Variants in BNC2 observed in about 807,000 individuals in gnomAD.
BNC2 encodes basonuclin zinc finger protein 2, also known as zinc finger protein basonuclin-2.
In BNC2, 20 loss-of-function variants were observed where a neutral mutation model predicts 76.3. The ratio of observed to expected loss-of-function variants is 0.26; its 90% CI spans 0.18 to 0.38. The LOEUF is 0.38. Among genes scored for constraint, BNC2 ranks in the 10% least tolerant of loss-of-function variants. The probability of loss-of-function intolerance (pLI) is 1.00; values close to 1 mark genes in which losing one functional copy is unlikely to be tolerated. For synonymous variants in BNC2, 582 were observed against 514.8 expected (o/e 1.13, Z -1.77); for missense variants, 1,382 against 1,399.8 (o/e 0.99, Z 0.20).
intron 5 of BNC2, among the ~76,000 whole-genome samples, chr9:16,495,543 G>A (rs1456195004): frequency 1.3e-5 from 2 of 152,228 alleles, no homozygotes; most frequent in Non-Finnish European, 2.9e-5. Context: ...GGGACAGGGT[G>A]CTCAACATAT....
rs1351509482 is a variant in BNC2, at chr9:16,412,034, A to G, written c.*6955T>C. 1 of 152,558 alleles carries G rather than the reference A, an allele frequency of 6.6e-6. No individual in the cohort carries two copies. The allele number at this position is 152,558 out of a possible 1,614,324, so 9.5% of individuals were successfully genotyped here. On this transcript the variant is annotated 3_prime_UTR_variant, in exon 7 of 7. Coordinates refer to ENST00000380672, the MANE Select transcript of BNC2 (RefSeq NM_017637.6). Reference sequence around the variant, plus strand: ...AGCAGCCAATCTTTGGGCTCAGGGCATTTTGGAATATAACATTTTCATGTA... The same window carrying G: ...AGCAGCCAATCTTTGGGCTCAGGGCGTTTTGGAATATAACATTTTCATGTA...
chr9:16,547,722 A>G (rs1319324751), intron 5 of BNC2, among the ~76,000 whole-genome samples: 2 of 152,190 alleles, frequency 1.3e-5, no homozygotes, highest in East Asian at 1.9e-4. Context: ...CAGGCAGAAG[A>G]AACCTTACAT....
chr9:16,866,637 GAAA>G (rs1435319091), intron 1 of BNC2, among the ~76,000 whole-genome samples: 3 of 121,296 alleles, frequency 2.5e-5, no homozygotes, highest in Non-Finnish European at 4.9e-5. Flanking sequence ...TGTTCTTGTA[GAAA>G]GTTCTTTTGC....
intron 3 of BNC2, among the ~76,000 whole-genome samples, chr9:16,584,339 A>G (rs922965515): frequency 2.6e-5 from 4 of 152,198 alleles, no homozygotes; most frequent in Admixed American, 1.3e-4. Flanking sequence ...TATTTTGGAT[A>G]TTGTTAACAT....
chr9:16,522,550 T>G (rs1472640967), intron 5 of BNC2, among the ~76,000 whole-genome samples: 1 of 152,142 alleles, frequency 6.6e-6, no homozygotes, highest in East Asian at 1.9e-4. Flanking sequence ...CTTTAGATTT[T>G]TTACAGGGAT....
intron 5 of BNC2, among the ~76,000 whole-genome samples, chr9:16,501,626 G>T (rs1822520925): frequency 6.6e-6 from 1 of 152,062 alleles, no homozygotes; most frequent in South Asian, 2.1e-4. Flanking sequence ...ATAACATAGA[G>T]TATTTCTCTA....
intron 1 of BNC2, among the ~76,000 whole-genome samples, chr9:16,774,820 T>G (rs1052448252): frequency 1.3e-5 from 2 of 152,186 alleles, no homozygotes; most frequent in Non-Finnish European, 2.9e-5. Flanking sequence ...GGACCCTGAG[T>G]GCTTTAAGCC....
chr9:16,471,936 G>A (rs1041537544), intron 5 of BNC2, among the ~76,000 whole-genome samples: 1 of 152,060 alleles, frequency 6.6e-6, no homozygotes, highest in East Asian at 1.9e-4. Context: ...AGATCTGATG[G>A]GTTTATCAGG....
rs902713845 is a variant in BNC2 at position 16,655,043 on chromosome 9, C to T, written c.331-71958G>A. ...ATAACTGTGGTTTAACAACAGGGAG[C>T]CACCAATCATTATACGAATGATTAA... On this transcript the variant is annotated intron_variant, in intron 3 of 6. Transcript: ENST00000380672. 2.0e-5 allele frequency among the ~76,000 whole-genome samples: 3 copies of T among 151,808 alleles called. No homozygotes were observed. In the East Asian group the frequency reaches 5.8e-4, roughly 29 times the overall value.
chr9:16,700,404 G>C (rs1823474766), intron 3 of BNC2, among the ~76,000 whole-genome samples: 1 of 152,096 alleles, frequency 6.6e-6, no homozygotes, highest in South Asian at 2.1e-4. Flanking sequence ...TATAGTCCCA[G>C]CTATTCTGGA....
intron 3 of BNC2, among the ~76,000 whole-genome samples, chr9:16,668,883 G>A (rs1822385391): frequency 6.6e-6 from 1 of 152,122 alleles, no homozygotes; most frequent in African/African-American, 2.4e-5. Flanking sequence ...CTCTCCCAGG[G>A]TGAGCAAATA....
chr9:16,584,471 C>T (rs1025646686), intron 3 of BNC2, among the ~76,000 whole-genome samples: 3 of 152,026 alleles, frequency 2.0e-5, no homozygotes, highest in Admixed American at 6.6e-5. Flanking sequence ...TCTATGGATC[C>T]CTATTGGTTT....
chr9:16,715,431 A>G (rs1206601309), intron 3 of BNC2, among the ~76,000 whole-genome samples: 2 of 152,252 alleles, frequency 1.3e-5, no homozygotes, highest in Non-Finnish European at 2.9e-5. Context: ...GAATGATCAC[A>G]TGCAATGAAA....
intron 3 of BNC2, among the ~76,000 whole-genome samples, chr9:16,601,280 A>G: frequency 6.6e-6 from 1 of 152,340 alleles, no homozygotes; most frequent in East Asian, 1.9e-4. Context: ...ACAACCCGAG[A>G]AGAAGTGCCT....
At chr9:16,560,276 C>A (rs1285085748) in intron 4 of BNC2, among the ~76,000 whole-genome samples, 4 of 152,162 alleles carry the variant, frequency 2.6e-5, no homozygotes, top group Non-Finnish European at 5.9e-5. Flanking sequence ...GTAACACTTG[C>A]AGCAAAATAG....
intron 2 of BNC2, among the ~76,000 whole-genome samples, chr9:16,736,717 G>C (rs766452250): frequency 6.6e-6 from 1 of 151,108 alleles, no homozygotes; most frequent in African/African-American, 2.4e-5. Flanking sequence ...CTTGTGATCC[G>C]CCTCTCTCGG....
At chr9:16,732,815 C>T (rs754477115) in intron 2 of BNC2, among the ~76,000 whole-genome samples, 9 of 152,300 alleles carry the variant, frequency 5.9e-5, no homozygotes, top group Middle Eastern at 3.4e-3. Context: ...CGCTCCACAT[C>T]GCATGACAAT....
intron 3 of BNC2, among the ~76,000 whole-genome samples, chr9:16,670,010 G>A (rs1449460299): frequency 6.6e-6 from 1 of 152,118 alleles, no homozygotes; most frequent in Non-Finnish European, 1.5e-5. Context: ...TAATTCAACT[G>A]CTTTTGTTAG....
At chr9:16,640,077 C>T (rs988221268) in intron 3 of BNC2, among the ~76,000 whole-genome samples, 10 of 150,416 alleles carry the variant, frequency 6.6e-5, no homozygotes, top group African/African-American at 2.5e-4. Flanking sequence ...CGTAGTAATA[C>T]AAATCTCTTC....
Sources: gnomAD v4.1 joint callset for allele counts (sites outside exome capture counted in the v4.1 genomes callset) on GRCh38, gnomAD v4.1.1 for gene constraint, MANE v1.5 for transcripts, NCBI Gene and HGNC (gene_info 2026-07-23, HGNC 2026-07-21) for gene names.